OR10J1: variants seen among roughly 807,000 people sequenced by gnomAD.
OR10J1 encodes olfactory receptor 10J1.
For missense variants in OR10J1, 474 were observed against 376.6 expected (o/e 1.26, Z -2.14); for synonymous variants, 202 against 143.8 (o/e 1.40, Z -2.89).
chr1:159,438,607 C>T (rs181907507), upstream of OR10J1, among the ~76,000 whole-genome samples: 65 of 152,248 alleles, frequency 4.3e-4, 1 homozygote, highest in East Asian at 0.012. Flanking sequence ...TTCTTTTTAG[C>T]ATTCTTAGTG....
At chr1:159,422,311 G>A in the OR10J1 span, among the ~76,000 whole-genome samples, 3 of 152,140 alleles carry the variant, frequency 2.0e-5, no homozygotes, top group African/African-American at 4.8e-5. Flanking sequence ...AGCAGTGACT[G>A]CACTGTGGCC....
the OR10J1 span, among the ~76,000 whole-genome samples, chr1:159,417,303 C>A: frequency 6.6e-6 from 1 of 152,160 alleles, no homozygotes; most frequent in South Asian, 2.1e-4. Context: ...CTCCACAATT[C>A]CTTTCTTGAT....
At chr1:159,406,764 G>A in the OR10J1 span, among the ~76,000 whole-genome samples, 1 of 152,082 alleles carries the variant, frequency 6.6e-6, no homozygotes, top group African/African-American at 2.4e-5. Context: ...GACACAATGA[G>A]GAGGCAGAGA....
chr1:159,404,469 T>A, the OR10J1 span, among the ~76,000 whole-genome samples: 1 of 152,108 alleles, frequency 6.6e-6, no homozygotes, highest in Non-Finnish European at 1.5e-5. Flanking sequence ...CATTTGTAAA[T>A]GATACAGGAG....
the OR10J1 span, among the ~76,000 whole-genome samples, chr1:159,428,507 A>G: frequency 6.6e-6 from 1 of 152,180 alleles, no homozygotes; most frequent in Non-Finnish European, 1.5e-5. Context: ...AGAACTATAA[A>G]GAAGAGACAT....
chr1:159,408,470 TG>T, the OR10J1 span, among the ~76,000 whole-genome samples: 8 of 10,552 alleles, frequency 7.6e-4, no homozygotes, highest in East Asian at 5.5e-3. Flanking sequence ...TGTTGGGGGA[TG>T]GGGGGAGGGG....
the OR10J1 span, among the ~76,000 whole-genome samples, chr1:159,420,559 T>A: frequency 6.6e-6 from 1 of 152,248 alleles, no homozygotes; most frequent in Admixed American, 6.5e-5. Context: ...GGCATAGGAC[T>A]CCCATAGGAC....
chr1:159,431,351 G>A, the OR10J1 span, among the ~76,000 whole-genome samples: 1 of 152,210 alleles, frequency 6.6e-6, no homozygotes, highest in South Asian at 2.1e-4. Flanking sequence ...CAGAGATGGA[G>A]CAAGTTTTGA....
the OR10J1 span, among the ~76,000 whole-genome samples, chr1:159,410,051 C>T: frequency 4.6e-5 from 7 of 152,140 alleles, no homozygotes. Context: ...ATAAAGCCCA[C>T]TTGATCATGG....
At chr1:159,423,108 G>A in the OR10J1 span, among the ~76,000 whole-genome samples, 6 of 152,018 alleles carry the variant, frequency 3.9e-5, no homozygotes, top group Non-Finnish European at 8.8e-5. Flanking sequence ...TTTCAAAACC[G>A]AAAATACATT....
At chr1:159,426,053 A>T in the OR10J1 span, among the ~76,000 whole-genome samples, 1 of 151,982 alleles carries the variant, frequency 6.6e-6, no homozygotes, top group Non-Finnish European at 1.5e-5. Flanking sequence ...GAGAAATAGA[A>T]ATGGTGGATA....
chr1:159,429,579 G>T, the OR10J1 span, among the ~76,000 whole-genome samples: 1 of 152,336 alleles, frequency 6.6e-6, no homozygotes, highest in South Asian at 2.1e-4. Flanking sequence ...CTAGTTGTAT[G>T]ATTGTTGATG....
At chr1:159,410,527 G>A in the OR10J1 span, among the ~76,000 whole-genome samples, 2 of 152,074 alleles carry the variant, frequency 1.3e-5, no homozygotes, top group Non-Finnish European at 2.9e-5. Flanking sequence ...TTGTATTTCT[G>A]TGGGATTGGT....
chr1:159,406,077 C>T, the OR10J1 span: 1 of 428,594 alleles, frequency 2.3e-6, no homozygotes, highest in East Asian at 5.3e-5. Context: ...AGTGACACAG[C>T]CTTGCATGAC....
At chr1:159,430,927 G>A in the OR10J1 span, among the ~76,000 whole-genome samples, 2 of 152,150 alleles carry the variant, frequency 1.3e-5, no homozygotes, top group South Asian at 4.1e-4. Context: ...AGAAAATCAG[G>A]CATCCCTCCA....
the OR10J1 span, among the ~76,000 whole-genome samples, chr1:159,428,763 AAG>A: frequency 6.6e-6 from 1 of 152,302 alleles, no homozygotes; most frequent in East Asian, 1.9e-4. Context: ...TGAGGGCCTT[AAG>A]AGAGATTATG....
upstream of OR10J1, chr1:159,433,020 T>G (rs1313394856): frequency 2.3e-6 from 1 of 444,350 alleles, no homozygotes; most frequent in African/African-American, 2.0e-5. Context: ...CAGGACAGAC[T>G]TATCTCTGTG....
the OR10J1 span, among the ~76,000 whole-genome samples, chr1:159,430,640 GGTGTGTGT>G: frequency 7.8e-5 from 11 of 140,828 alleles, no homozygotes; most frequent in Admixed American, 5.0e-4. Context: ...AAAAAATTAT[GGTGTGTGT>G]GTGTGTGTGT....
upstream of OR10J1, among the ~76,000 whole-genome samples, chr1:159,433,359 A>G (rs181892403): frequency 6.6e-6 from 1 of 152,336 alleles, no homozygotes; most frequent in East Asian, 1.9e-4. Context: ...ACCAAGCTTG[A>G]TGAAAATCAA....
Sources: allele counts gnomAD v4.1 joint callset (sites outside exome capture counted in the v4.1 genomes callset), GRCh38; gene constraint gnomAD v4.1.1; transcripts MANE v1.5; gene names NCBI Gene and HGNC (gene_info 2026-07-23, HGNC 2026-07-21).